The following FLRT2 variants were observed in gnomAD, a reference collection of about 807,000 sequenced individuals.
FLRT2 encodes the protein fibronectin leucine rich transmembrane protein 2, also known as leucine-rich repeat transmembrane protein FLRT2.
Under a neutral mutation model 40.0 loss-of-function variants are expected in FLRT2, and 15 were observed. The ratio of observed to expected loss-of-function variants is 0.38; its 90% CI spans 0.25 to 0.58. The LOEUF (loss-of-function observed/expected upper bound fraction) is 0.58. Among genes scored for constraint, FLRT2 ranks in the 20% least tolerant of loss-of-function variants. The pLI is 0.71. For missense variants in FLRT2, 726 were observed against 840.0 expected (o/e 0.86, Z 1.68); for synonymous variants, 380 against 336.8 (o/e 1.13, Z -1.41).
At chr14:85,533,443 G>C (rs1888421411) in intron 1 of FLRT2, among the ~76,000 whole-genome samples, 1 of 151,940 alleles carries the variant, frequency 6.6e-6, no homozygotes, top group Non-Finnish European at 1.5e-5. Flanking sequence ...CCGCACGCCC[G>C]GCTCCGAGCT....
chr14:85,540,273 A>T lies in FLRT2; in HGVS notation c.-377+9739A>T, dbSNP rs1264719289. Reference sequence around the variant, plus strand: ...TGGCAAACCTCCTCAACCCATTAACAGTGAATAGAAAGACAATTTATTATG... The same window carrying T: ...TGGCAAACCTCCTCAACCCATTAACTGTGAATAGAAAGACAATTTATTATG... On this transcript the variant is annotated intron_variant, in intron 1 of 1. Transcript: ENST00000330753. 9.9e-5 allele frequency among the ~76,000 whole-genome samples: 15 copies of T among 152,200 alleles called. 1 individual carries two copies. The highest frequency in any genetic ancestry group is 9.8e-4 in the Admixed American group (15 of 15,280).
rs1894244510 is a variant in FLRT2 at position 85,644,528 on chromosome 14, T to C, written c.*21031T>C. 6.6e-6 allele frequency: 1 copy of C among 152,124 alleles called. No homozygotes were observed. Among genetic ancestry groups the C allele is most frequent in the South Asian group, 2.1e-4 (1 of 4,830 alleles). The allele number at this position is 152,124 out of a possible 1,614,324, so 9.4% of individuals were successfully genotyped here. ...TAGAAACTCAGTAATTCACATGCATTCAAGAAGGTAGAAGAAAATTCTCAC... is the reference window on the plus strand; with the variant it reads ...TAGAAACTCAGTAATTCACATGCATCCAAGAAGGTAGAAGAAAATTCTCAC... On this transcript the variant is annotated 3_prime_UTR_variant, in exon 2 of 2. Coordinates refer to ENST00000330753, the MANE Select transcript of FLRT2 (RefSeq NM_013231.6).
chr14:85,568,406 G>A (rs1249856293), intron 1 of FLRT2, among the ~76,000 whole-genome samples: 1 of 152,150 alleles, frequency 6.6e-6, no homozygotes, highest in Non-Finnish European at 1.5e-5. Context: ...ACAGGCTCAA[G>A]GACCATGTGT....
chr14:85,591,170 A>G (rs983361186), intron 1 of FLRT2, among the ~76,000 whole-genome samples: 1 of 152,214 alleles, frequency 6.6e-6, no homozygotes, highest in African/African-American at 2.4e-5. Context: ...TAATTTTTGG[A>G]AAAAGAAAGC....
intron 1 of FLRT2, among the ~76,000 whole-genome samples, chr14:85,582,942 T>C (rs1280414508): frequency 6.6e-6 from 1 of 152,126 alleles, no homozygotes; most frequent in South Asian, 2.1e-4. Flanking sequence ...TTCTGCCTCA[T>C]TGTTTGATTT....
chr14:85,648,091 G>A lies in FLRT2; in HGVS notation c.*24594G>A, dbSNP rs1200125182. The stretch of plus-strand genomic sequence containing the variant: ...GACTATCAGCTTGAAACTATGATTG[G>A]AATTGAAGGTTAAAGAAAACCCAGC... On this transcript the variant is annotated 3_prime_UTR_variant, in exon 2 of 2. Transcript: ENST00000330753. 2.0e-5 allele frequency: 3 copies of A among 152,022 alleles called. No homozygotes were observed. The highest frequency in any genetic ancestry group is 7.2e-5 in the African/African-American group (3 of 41,396). The allele number at this position is 152,022 out of a possible 1,614,324, so 9.4% of individuals were successfully genotyped here.
chr14:85,645,376 A>T lies in FLRT2; in HGVS notation c.*21879A>T, dbSNP rs903716212. 1 of 152,066 alleles carries T rather than the reference A, an allele frequency of 6.6e-6. No individual in the cohort carries two copies. The highest frequency in any genetic ancestry group is 1.5e-5 in the Non-Finnish European group (1 of 68,020). The allele number at this position is 152,066 out of a possible 1,614,324, so 9.4% of individuals were successfully genotyped here. ...TGAGTGCTCTATTTGTTGCTTGAGC[A>T]GGTGTTCACCCTCCCACATAAATTC... On this transcript the variant is annotated 3_prime_UTR_variant, in exon 2 of 2. Coordinates refer to ENST00000330753, the MANE Select transcript of FLRT2 (RefSeq NM_013231.6).
Position 85,623,167 on chromosome 14 carries a change from G to A in FLRT2, c.1653G>A (p.Val551=), listed in dbSNP as rs747946014. The A allele has an allele frequency of 1.9e-6, 3 of 1,577,626 alleles. No individual in the cohort carries two copies. The highest frequency in any genetic ancestry group is 2.7e-5 in the African/African-American group (2 of 73,918). ...TGGCGGGCTTGATCGGGGGCGCGGTGATATTTGTGCTGGTGGTCTTGCTCA... is the reference window on the plus strand; with the variant it reads ...TGGCGGGCTTGATCGGGGGCGCGGTAATATTTGTGCTGGTGGTCTTGCTCA... ...FLLAGLIGGA[V]IFVLVVLLSV... is the part of the protein sequence containing the mutation. The change falls in exon 2 of 2, where the codon GTG becomes GTA. Residue 551 remains valine, a synonymous_variant. Transcript: ENST00000330753.
intron 1 of FLRT2, among the ~76,000 whole-genome samples, chr14:85,531,411 G>A (rs1888268486): frequency 1.3e-5 from 2 of 152,184 alleles, no homozygotes; most frequent in Non-Finnish European, 2.9e-5. Flanking sequence ...GACCAGTACG[G>A]GGCTCGCTCC....
chr14:85,645,732 T>A lies in FLRT2; in HGVS notation c.*22235T>A, dbSNP rs1238668398. On this transcript the variant is annotated 3_prime_UTR_variant, in exon 2 of 2. Transcript: ENST00000330753. ...GTGATCTATTATATGGATGTCAAGC[T>A]GTCCTTTTCCCCAGCCACCCTCCTC... 6.6e-6 allele frequency: 1 copy of A among 152,198 alleles called. No homozygotes were observed. The allele number at this position is 152,198 out of a possible 1,614,324, so 9.4% of individuals were successfully genotyped here. A position where few individuals can be genotyped will look rare whatever the true frequency, so the allele number is the denominator to read the frequency against.
chr14:85,586,289 C>T (rs1372496470), intron 1 of FLRT2, among the ~76,000 whole-genome samples: 2 of 151,960 alleles, frequency 1.3e-5, no homozygotes, highest in Admixed American at 6.6e-5. Context: ...AGTCACACAG[C>T]AGTAAACACT....
chr14:85,566,803 A>G (rs1264032485), intron 1 of FLRT2, among the ~76,000 whole-genome samples: 2 of 150,844 alleles, frequency 1.3e-5, no homozygotes, highest in African/African-American at 4.9e-5. Flanking sequence ...TATCCCTTCT[A>G]TGTATTAGCT....
intron 1 of FLRT2, among the ~76,000 whole-genome samples, chr14:85,593,860 G>C (rs1892014638): frequency 6.6e-6 from 1 of 152,094 alleles, no homozygotes; most frequent in Non-Finnish European, 1.5e-5. Context: ...TGGCCAACAT[G>C]GTGAAACCCC....
chr14:85,621,307 C>A lies in FLRT2; in HGVS notation c.-208C>A. On this transcript the variant is annotated 5_prime_UTR_variant, in exon 2 of 2. Coordinates refer to ENST00000330753, the MANE Select transcript of FLRT2 (RefSeq NM_013231.6). ...AATTCTCCCTGTTGAATTTTTTGCA[C>A]ATGGAGGACAGCAGCAAAGAGGGCA... 1 of 547,790 alleles carries A rather than the reference C, an allele frequency of 1.8e-6. No individual in the cohort carries two copies. Among genetic ancestry groups the A allele is most frequent in the South Asian group, 3.0e-5 (1 of 33,294 alleles). The allele number at this position is 547,790 out of a possible 1,614,324, so 33.9% of individuals were successfully genotyped here. A position where few individuals can be genotyped will look rare whatever the true frequency, so the allele number is the denominator to read the frequency against.
rs1894323340 is a variant in FLRT2 at position 85,647,055 on chromosome 14, A to G, written c.*23558A>G. ...TGTTTCTTTTTCTTAGACAAAGTGC[A>G]TATCTGCTCAAGATGGATGTCACTA... On this transcript the variant is annotated 3_prime_UTR_variant, in exon 2 of 2. Coordinates refer to ENST00000330753, the MANE Select transcript of FLRT2 (RefSeq NM_013231.6). The G allele has an allele frequency of 6.6e-6, 1 of 152,188 alleles. No homozygotes were observed. The highest frequency in any genetic ancestry group is 6.6e-5 in the Admixed American group (1 of 15,264). The allele number at this position is 152,188 out of a possible 1,614,324, so 9.4% of individuals were successfully genotyped here. A position where few individuals can be genotyped will look rare whatever the true frequency, so the allele number is the denominator to read the frequency against.
At chr14:85,583,308 G>T (rs1222212488) in intron 1 of FLRT2, among the ~76,000 whole-genome samples, 1 of 152,158 alleles carries the variant, frequency 6.6e-6, no homozygotes, top group Admixed American at 6.5e-5. Context: ...AATAGGTAAA[G>T]TACATTCATT....
intron 1 of FLRT2, among the ~76,000 whole-genome samples, chr14:85,583,791 T>G (rs2139879355): frequency 6.6e-6 from 1 of 152,278 alleles, no homozygotes; most frequent in South Asian, 2.1e-4. Context: ...TGGGCTCTTC[T>G]TAAACTAATC....
chr14:85,621,703 G>A lies in FLRT2; in HGVS notation c.189G>A (p.Glu63=), dbSNP rs1380356024. The part of the protein sequence containing the change: ...SLTSVPLGIP[E]GVTVLYLHNN... ...CCTCAGTGCCTCTTGGGATCCCGGA[G>A]GGCGTAACTGTACTCTACCTCCACA... is the stretch of plus-strand genomic sequence containing the variant. The change falls in exon 2 of 2, where the codon GAG becomes GAA. Residue 63 remains glutamate, a synonymous_variant. Transcript: ENST00000330753. 2 of 1,614,106 alleles carry A rather than the reference G, an allele frequency of 1.2e-6. No homozygotes were observed. The highest frequency in any genetic ancestry group is 1.7e-6 in the Non-Finnish European group (2 of 1,180,018).
At position 85,585,578 on chromosome 14, in the gene FLRT2, A is replaced by C. The variant is rs192052220; in HGVS notation, c.-376-35561A>C. ...ATTGTAATCTCAGCACACAGAAAGA[A>C]TCATGTGTGTGTGTGTATTATATGC... On this transcript the variant is annotated intron_variant, in intron 1 of 1. Transcript: ENST00000330753. 8.7e-3 allele frequency among the ~76,000 whole-genome samples: 1,318 copies of C among 152,164 alleles called. 15 individuals carry two copies. The highest frequency in any genetic ancestry group is 0.03 in the African/African-American group (1,262 of 41,454).
Sources: gnomAD v4.1 joint callset for allele counts (sites outside exome capture counted in the v4.1 genomes callset) on GRCh38, gnomAD v4.1.1 for gene constraint, MANE v1.5 for transcripts, NCBI Gene and HGNC (gene_info 2026-07-23, HGNC 2026-07-21) for gene names.